Variants in HS6ST3 observed in about 807,000 individuals in gnomAD.
HS6ST3 encodes the protein heparan-sulfate 6-O-sulfotransferase 3.
HS6ST3 carries 12 observed loss-of-function variants against 36.7 expected under a neutral mutation model. The observed-to-expected ratio is 0.33, with a 90% CI of 0.21 to 0.53. The LOEUF is 0.53. HS6ST3 is among the 20% of genes least tolerant of loss of function. The probability of loss-of-function intolerance (pLI) is 0.95; values close to 1 mark genes in which losing one functional copy is unlikely to be tolerated. For missense variants in HS6ST3, 584 were observed against 640.9 expected (o/e 0.91, Z 0.96); for synonymous variants, 240 against 257.5 (o/e 0.93, Z 0.65).
intron 1 of HS6ST3, among the ~76,000 whole-genome samples, chr13:96,179,343 A>G (rs2054228258): frequency 6.6e-6 from 1 of 152,186 alleles, no homozygotes; most frequent in South Asian, 2.1e-4. Flanking sequence ...ATCAGTAACT[A>G]AACGCTATCC....
At chr13:96,590,824 G>A (rs2056379468) in intron 1 of HS6ST3, among the ~76,000 whole-genome samples, 1 of 152,050 alleles carries the variant, frequency 6.6e-6, no homozygotes, top group African/African-American at 2.4e-5. Context: ...ATAGTTTGAA[G>A]TCTCATATTT....
chr13:96,552,097 A>T (rs1490585443), intron 1 of HS6ST3, among the ~76,000 whole-genome samples: 1 of 152,216 alleles, frequency 6.6e-6, no homozygotes, highest in Non-Finnish European at 1.5e-5. Context: ...TATTGCATGC[A>T]TTAAAAATGG....
intron 1 of HS6ST3, among the ~76,000 whole-genome samples, chr13:96,371,769 A>G (rs1217441322): frequency 2.0e-5 from 3 of 152,074 alleles, no homozygotes; most frequent in Non-Finnish European, 4.4e-5. Context: ...GTTCTTCCAT[A>G]TTGTTGCAAA....
chr13:96,397,332 GTTA>G, intron 1 of HS6ST3, among the ~76,000 whole-genome samples: 1 of 152,256 alleles, frequency 6.6e-6, no homozygotes, highest in Admixed American at 6.5e-5. Context: ...GTCCTGTAAT[GTTA>G]TTACTATATT....
At chr13:96,485,233 T>C (rs1174997015) in intron 1 of HS6ST3, among the ~76,000 whole-genome samples, 1 of 152,154 alleles carries the variant, frequency 6.6e-6, no homozygotes, top group African/African-American at 2.4e-5. Context: ...GAATATCTCT[T>C]CATTTATGTA....
intron 1 of HS6ST3, among the ~76,000 whole-genome samples, chr13:96,236,052 A>G (rs1023513357): frequency 5.3e-5 from 8 of 152,348 alleles, no homozygotes; most frequent in Middle Eastern, 3.4e-3. Flanking sequence ...TGGTGTAAGT[A>G]CAACAGTCCA....
intron 1 of HS6ST3, among the ~76,000 whole-genome samples, chr13:96,248,935 A>G (rs551761479): frequency 2.6e-4 from 39 of 152,294 alleles, no homozygotes; most frequent in African/African-American, 9.1e-4. Flanking sequence ...AGTGTAATTG[A>G]TGTGGCCACC....
intron 1 of HS6ST3, among the ~76,000 whole-genome samples, chr13:96,268,959 A>G (rs918122827): frequency 3.3e-5 from 5 of 151,992 alleles, no homozygotes; most frequent in African/African-American, 1.2e-4. Flanking sequence ...GTAAGCAAAA[A>G]TATTGGAAAT....
intron 1 of HS6ST3, among the ~76,000 whole-genome samples, chr13:96,153,638 G>C (rs1218840453): frequency 6.6e-6 from 1 of 152,122 alleles, no homozygotes; most frequent in African/African-American, 2.4e-5. Flanking sequence ...AGTGAGCAAA[G>C]TATTTAACTT....
chr13:96,629,867 C>T (rs966004195), intron 1 of HS6ST3, among the ~76,000 whole-genome samples: 3 of 151,900 alleles, frequency 2.0e-5, no homozygotes, highest in South Asian at 2.1e-4. Context: ...CATTAGCTCC[C>T]CTAGAAATAT....
chr13:96,435,491 G>A (rs572738875), intron 1 of HS6ST3, among the ~76,000 whole-genome samples: 6 of 152,150 alleles, frequency 3.9e-5, no homozygotes, highest in Non-Finnish European at 7.4e-5. Context: ...GGACACTTAG[G>A]TGCTCCTTTC....
At chr13:96,425,544 T>TA (rs1245158334) in intron 1 of HS6ST3, among the ~76,000 whole-genome samples, 1 of 152,106 alleles carries the variant, frequency 6.6e-6, no homozygotes, top group Non-Finnish European at 1.5e-5. Flanking sequence ...TTCTTATTTG[T>TA]AAAAAAATGA....
chr13:96,426,530 A>T (rs1190672065), intron 1 of HS6ST3, among the ~76,000 whole-genome samples: 3 of 152,214 alleles, frequency 2.0e-5, no homozygotes, highest in Non-Finnish European at 2.9e-5. Flanking sequence ...GTTTATTTTC[A>T]ATTAGAGTCT....
chr13:96,820,633 A>G (rs1878515332), intron 1 of HS6ST3, among the ~76,000 whole-genome samples: 1 of 152,240 alleles, frequency 6.6e-6, no homozygotes, highest in South Asian at 2.1e-4. Flanking sequence ...GAGGTCAAAT[A>G]AGCTAACCAA....
chr13:96,095,271 A>T (rs181582871), intron 1 of HS6ST3, among the ~76,000 whole-genome samples: 92 of 152,354 alleles, frequency 6.0e-4, no homozygotes, highest in Non-Finnish European at 1.1e-3. Context: ...TGCATTTTGA[A>T]TATTGGCAGC....
intron 1 of HS6ST3, among the ~76,000 whole-genome samples, chr13:96,227,257 C>G (rs1272472733): frequency 6.6e-6 from 1 of 152,132 alleles, no homozygotes; most frequent in Non-Finnish European, 1.5e-5. Context: ...TACTTAACAG[C>G]ACTTGTTGAG....
chr13:96,619,193 AAAG>A lies in HS6ST3; in HGVS notation c.708-213293_708-213291del, dbSNP rs1473423148. ...TGTAGACACTTAAGGTTACATTTTCAAAGAAGCATGAATAGACTTAGCCATGTG... is the reference window on the plus strand; with the variant it reads ...TGTAGACACTTAAGGTTACATTTTCAAAGCATGAATAGACTTAGCCATGTG... On this transcript the variant is annotated intron_variant, in intron 1 of 1. Transcript: ENST00000376705. 1.2e-4 allele frequency among the ~76,000 whole-genome samples: 19 copies of A among 152,324 alleles called. No homozygotes were observed. The East Asian group carries it at 3.7e-3, about 29-fold the overall frequency.
At chr13:96,520,531 T>G (rs2056089000) in intron 1 of HS6ST3, among the ~76,000 whole-genome samples, 1 of 152,216 alleles carries the variant, frequency 6.6e-6, no homozygotes, top group Non-Finnish European at 1.5e-5. Flanking sequence ...CTTATTTCCT[T>G]GAGCAGTGGT....
intron 1 of HS6ST3, among the ~76,000 whole-genome samples, chr13:96,487,666 A>G (rs554875992): frequency 2.0e-5 from 3 of 152,256 alleles, no homozygotes; most frequent in Non-Finnish European, 2.9e-5. Context: ...TCCATATGCC[A>G]TGTCTTCTAG....
Sources: allele counts gnomAD v4.1 joint callset (sites outside exome capture counted in the v4.1 genomes callset), GRCh38; gene constraint gnomAD v4.1.1; transcripts MANE v1.5; gene names NCBI Gene and HGNC (gene_info 2026-07-23, HGNC 2026-07-21).